STX6: variants seen among roughly 807,000 people sequenced by gnomAD.
STX6 encodes syntaxin-6.
Under a neutral mutation model 38.0 loss-of-function variants are expected in STX6, and 23 were observed. The observed-to-expected ratio is 0.60, with a 90% confidence interval of 0.43 to 0.86. STX6 has a LOEUF of 0.86. STX6 is among the 40% of genes least tolerant of loss of function. The pLI is 0.00. For missense variants in STX6, 274 were observed against 312.9 expected (o/e 0.88, Z 0.94); for synonymous variants, 123 against 107.5 (o/e 1.14, Z -0.89).
intron 3 of STX6, among the ~76,000 whole-genome samples, chr1:180,993,718 T>C (rs1400261483): frequency 6.6e-6 from 1 of 152,134 alleles, no homozygotes; most frequent in Non-Finnish European, 1.5e-5. Context: ...ACACACATTA[T>C]CACTGAATTT....
chr1:180,995,860 TG>T (rs1229621360), intron 3 of STX6, among the ~76,000 whole-genome samples: 2 of 152,066 alleles, frequency 1.3e-5, no homozygotes, highest in Middle Eastern at 3.2e-3. Context: ...GTCAGTGCAG[TG>T]GGGGGTAGAG....
At chr1:180,996,319 T>C (rs760236630) in intron 3 of STX6, among the ~76,000 whole-genome samples, 5 of 151,412 alleles carry the variant, frequency 3.3e-5, no homozygotes, top group South Asian at 2.1e-4. Context: ...CAGTATTATA[T>C]ACTAGGCATT....
rs1655202431 is a variant in STX6, at chr1:180,974,707, T to TC, written c.*1862dup. 1 of 152,662 alleles carries TC rather than the reference T, an allele frequency of 6.6e-6. No homozygotes were observed. Among genetic ancestry groups the TC allele is most frequent in the South Asian group, 2.1e-4 (1 of 4,830 alleles). The allele number at this position is 152,662 out of a possible 1,614,324, so 9.5% of individuals were successfully genotyped here. On this transcript the variant is annotated 3_prime_UTR_variant, in exon 8 of 8. Coordinates refer to ENST00000258301, the MANE Select transcript of STX6 (RefSeq NM_005819.6). ...TATTTTAATGCAAATCTAAGGATCA[T>TC]CCCCTTTCTTAGTTTATAGAAGATT...
At chr1:180,983,146 A>C (rs1052687374) in intron 7 of STX6, among the ~76,000 whole-genome samples, 6 of 152,252 alleles carry the variant, frequency 3.9e-5, no homozygotes, top group Admixed American at 3.3e-4. Flanking sequence ...GGTAGGACTC[A>C]ACATATTTTT....
intron 1 of STX6, among the ~76,000 whole-genome samples, chr1:181,009,134 A>G (rs558119008): frequency 3.9e-5 from 6 of 152,304 alleles, no homozygotes; most frequent in African/African-American, 1.2e-4. Flanking sequence ...TATCCAGAAT[A>G]TATATTTTTT....
At chr1:181,008,357 T>C (rs76923816) in intron 1 of STX6, among the ~76,000 whole-genome samples, 2,202 of 152,276 alleles carry the variant, frequency 0.014, 52 homozygotes, top group African/African-American at 0.05. Context: ...TTTTCAGATT[T>C]AGAATATTGG....
chr1:181,015,765 T>C (rs1347288695), intron 1 of STX6, among the ~76,000 whole-genome samples: 3 of 151,636 alleles, frequency 2.0e-5, no homozygotes, highest in African/African-American at 7.3e-5. Context: ...GTTCAAGCAA[T>C]TCTCCTGCCT....
intron 4 of STX6, among the ~76,000 whole-genome samples, chr1:180,990,452 T>C (rs912035491): frequency 5.9e-5 from 9 of 152,308 alleles, no homozygotes; most frequent in Admixed American, 2.0e-4. Context: ...CTGGTACCTG[T>C]GGAACTTCAG....
Position 180,989,967 on chromosome 1 carries a change from TG to T in STX6, c.489+16del. ...GTTTCCCACTGGCCCGTCCTAAGTC[TG>T]GGGTCCTTGGGGTACCTGCTGCTGT... On this transcript the variant is annotated intron_variant, in intron 5 of 7. Transcript: ENST00000258301. 1 of 1,613,062 alleles carries T rather than the reference TG, an allele frequency of 6.2e-7. No individual in the cohort carries two copies. The highest frequency in any genetic ancestry group is 8.5e-7 in the Non-Finnish European group (1 of 1,179,930).
At chr1:181,012,786 C>G (rs113299499) in intron 1 of STX6, among the ~76,000 whole-genome samples, 2 of 151,614 alleles carry the variant, frequency 1.3e-5, no homozygotes, top group South Asian at 2.1e-4. Flanking sequence ...GCAATTACCC[C>G]GCTTCAGCCT....
At chr1:180,999,605 T>C (rs1656018726) in intron 3 of STX6, among the ~76,000 whole-genome samples, 1 of 151,042 alleles carries the variant, frequency 6.6e-6, no homozygotes, top group Non-Finnish European at 1.5e-5. Flanking sequence ...GCATAACCAA[T>C]GGACATTAAT....
intron 4 of STX6, among the ~76,000 whole-genome samples, chr1:180,990,913 G>C (rs1398693682): frequency 1.3e-5 from 2 of 152,184 alleles, no homozygotes; most frequent in African/African-American, 4.8e-5. Context: ...TCAGCAGTTG[G>C]TTCTGACCAG....
intron 7 of STX6, among the ~76,000 whole-genome samples, chr1:180,981,290 C>T (rs999424513): frequency 2.0e-5 from 3 of 152,072 alleles, no homozygotes; most frequent in Non-Finnish European, 2.9e-5. Flanking sequence ...TATATGGGAA[C>T]TCTCTGTACT....
intron 3 of STX6, among the ~76,000 whole-genome samples, chr1:180,996,730 G>A (rs1655926604): frequency 6.6e-6 from 1 of 151,982 alleles, no homozygotes; most frequent in Non-Finnish European, 1.5e-5. Context: ...GTGCCACCAT[G>A]CCTATTTATT....
chr1:180,984,598 G>T (rs1168662925), intron 7 of STX6, 79 bp downstream of exon 7: 2 of 576,866 alleles, frequency 3.5e-6, no homozygotes, highest in East Asian at 5.9e-5. Context: ...ATCTGGATGG[G>T]CATAACTATG....
chr1:180,981,019 G>A (rs1000369116), intron 7 of STX6, among the ~76,000 whole-genome samples: 1 of 152,204 alleles, frequency 6.6e-6, no homozygotes, highest in Non-Finnish European at 1.5e-5. Flanking sequence ...TTGGGGGTTG[G>A]GGGAAGGGAG....
intron 1 of STX6, among the ~76,000 whole-genome samples, chr1:181,008,404 T>C (rs150109811): frequency 6.6e-6 from 1 of 152,304 alleles, no homozygotes; most frequent in East Asian, 1.9e-4. Context: ...AATCTGAAAA[T>C]CCAAAATCCA....
At chr1:180,994,924 C>A (rs1292371009) in intron 3 of STX6, among the ~76,000 whole-genome samples, 1 of 149,230 alleles carries the variant, frequency 6.7e-6, no homozygotes, top group African/African-American at 2.5e-5. Context: ...CACATGTACC[C>A]TAAAAATATG....
chr1:180,980,188 CAG>C (rs1222727764), intron 7 of STX6, among the ~76,000 whole-genome samples: 3 of 118,406 alleles, frequency 2.5e-5, no homozygotes, highest in Admixed American at 2.3e-4. Flanking sequence ...GCATAGGTGA[CAG>C]AGTCAGACTC....
Sources: gnomAD v4.1 joint callset for allele counts (sites outside exome capture counted in the v4.1 genomes callset) on GRCh38, gnomAD v4.1.1 for gene constraint, MANE v1.5 for transcripts, NCBI Gene and HGNC (gene_info 2026-07-23, HGNC 2026-07-21) for gene names.